The following KCNH8 variants were observed in gnomAD, a reference collection of about 807,000 sequenced individuals.
KCNH8 encodes voltage-gated delayed rectifier potassium channel KCNH8.
KCNH8 carries 70 observed loss-of-function variants against 103.6 expected under a neutral mutation model. The observed-to-expected ratio is 0.68, with a 90% CI of 0.56 to 0.82. KCNH8 has a LOEUF of 0.82. Ranked by LOEUF, KCNH8 falls within the 40% of genes least tolerant of loss-of-function variation. The pLI is 0.00. For missense variants in KCNH8, 1,217 were observed against 1,329.9 expected (o/e 0.92, Z 1.32); for synonymous variants, 498 against 489.4 (o/e 1.02, Z -0.23).
chr3:19,312,326 A>G (rs1448288060), intron 3 of KCNH8, among the ~76,000 whole-genome samples: 2 of 151,920 alleles, frequency 1.3e-5, no homozygotes, highest in Admixed American at 6.6e-5. Context: ...AAACAAGGTT[A>G]TGTGATCAGT....
chr3:19,314,717 C>G lies in KCNH8; in HGVS notation c.443-27870C>G, dbSNP rs2125299451. Reference sequence around the variant, plus strand: ...AACTTTATTTGCTGAAACAGGTGGCCCATTGGTGAGCAAAAGCTGACAGAT... The same window carrying G: ...AACTTTATTTGCTGAAACAGGTGGCGCATTGGTGAGCAAAAGCTGACAGAT... On this transcript the variant is annotated intron_variant, in intron 3 of 15. Coordinates refer to ENST00000328405, the MANE Select transcript of KCNH8 (RefSeq NM_144633.3). 3 of 154,132 alleles carry G rather than the reference C, an allele frequency of 1.9e-5. No individual in the cohort carries two copies. The South Asian group carries it at 6.1e-4, about 31-fold the overall frequency. 9.5% of individuals were successfully genotyped at this position (154,132 alleles called of 1,614,324 possible).
chr3:19,424,608 G>T (rs2125159957), intron 7 of KCNH8, among the ~76,000 whole-genome samples: 1 of 152,066 alleles, frequency 6.6e-6, no homozygotes, highest in East Asian at 1.9e-4. Context: ...AAAATAAATA[G>T]ATTAGACCTC....
At chr3:19,530,407 A>G (rs1006590550) in intron 15 of KCNH8, among the ~76,000 whole-genome samples, 2 of 152,172 alleles carry the variant, frequency 1.3e-5, no homozygotes, top group Non-Finnish European at 2.9e-5. Context: ...TATCACATGC[A>G]TCCTATAAAT....
At chr3:19,436,338 G>A (rs1312956985) in intron 7 of KCNH8, among the ~76,000 whole-genome samples, 35 of 152,052 alleles carry the variant, frequency 2.3e-4, no homozygotes, top group Admixed American at 2.3e-3. Context: ...TTCCTTTAGA[G>A]ACATGAGTTT....
At chr3:19,436,178 G>A (rs1251882184) in intron 7 of KCNH8, among the ~76,000 whole-genome samples, 3 of 152,038 alleles carry the variant, frequency 2.0e-5, no homozygotes, top group Non-Finnish European at 4.4e-5. Context: ...TACTAATTAT[G>A]AGATTATTTT....
At chr3:19,149,357 T>C (rs2063106014) in intron 1 of KCNH8, among the ~76,000 whole-genome samples, 1 of 152,180 alleles carries the variant, frequency 6.6e-6, no homozygotes, top group African/African-American at 2.4e-5. Flanking sequence ...ATAGCGTATC[T>C]TTTAATCCTT....
In KCNH8 at chr3:19,215,195, C is replaced by G. The variant is rs574454422; in HGVS notation, c.77-38459C>G. On this transcript the variant is annotated intron_variant, in intron 1 of 15. Transcript: ENST00000328405. ...GGTTTATTTGGGGTAGAGTAGTTCT[C>G]CATTTCCTGGGAATTGTGCACTGGC... 5.3e-5 allele frequency among the ~76,000 whole-genome samples: 8 copies of G among 152,298 alleles called. No homozygotes were observed. In the South Asian group the frequency reaches 1.5e-3, roughly 28 times the overall value.
intron 11 of KCNH8, among the ~76,000 whole-genome samples, chr3:19,495,732 T>C (rs2068425469): frequency 6.6e-6 from 1 of 152,128 alleles, no homozygotes; most frequent in Non-Finnish European, 1.5e-5. Flanking sequence ...TTTTTTAAAT[T>C]GCATGAAGAA....
chr3:19,516,252 G>A (rs554543008), intron 14 of KCNH8, among the ~76,000 whole-genome samples: 31 of 152,098 alleles, frequency 2.0e-4, no homozygotes, highest in African/African-American at 7.2e-4. Context: ...TATGAACAAA[G>A]CCAAGCCCAA....
intron 1 of KCNH8, among the ~76,000 whole-genome samples, chr3:19,249,102 A>G (rs573743583): frequency 6.6e-6 from 1 of 152,364 alleles, no homozygotes; most frequent in African/African-American, 2.4e-5. Context: ...TGCATATTGC[A>G]TATGCATAAT....
chr3:19,202,094 A>G (rs1347818572), intron 1 of KCNH8, among the ~76,000 whole-genome samples: 1 of 152,046 alleles, frequency 6.6e-6, no homozygotes, highest in Non-Finnish European at 1.5e-5. Context: ...GAGTTAGGAG[A>G]GTTGGGTTTA....
chr3:19,401,142 T>C (rs2066607415), intron 7 of KCNH8, among the ~76,000 whole-genome samples: 1 of 151,940 alleles, frequency 6.6e-6, no homozygotes, highest in South Asian at 2.1e-4. Flanking sequence ...TAATATAAAT[T>C]CTAATTCAGG....
At chr3:19,508,287 G>A (rs1331689911) in intron 11 of KCNH8, among the ~76,000 whole-genome samples, 1 of 152,140 alleles carries the variant, frequency 6.6e-6, no homozygotes, top group Non-Finnish European at 1.5e-5. Flanking sequence ...GGTAAAAGAT[G>A]AGATAAGGTT....
intron 11 of KCNH8, among the ~76,000 whole-genome samples, chr3:19,509,519 T>A (rs917041564): frequency 6.6e-6 from 1 of 152,224 alleles, no homozygotes; most frequent in African/African-American, 2.4e-5. Context: ...AGCTTCTTTA[T>A]AATCATGGTA....
intron 5 of KCNH8, among the ~76,000 whole-genome samples, chr3:19,355,911 A>G (rs143941154): frequency 0.012 from 1,764 of 151,548 alleles, 13 homozygotes; most frequent in Non-Finnish European, 0.018. Flanking sequence ...TACTAAATCA[A>G]TATGTGTGGT....
chr3:19,213,604 G>A (rs568588689), intron 1 of KCNH8, among the ~76,000 whole-genome samples: 31 of 152,260 alleles, frequency 2.0e-4, no homozygotes, highest in Admixed American at 2.0e-3. Context: ...CCAAAAACCA[G>A]TAGTCATCTT....
intron 11 of KCNH8, among the ~76,000 whole-genome samples, chr3:19,487,444 G>A (rs1051174926): frequency 1.3e-5 from 2 of 152,118 alleles, no homozygotes; most frequent in Non-Finnish European, 1.5e-5. Context: ...ATGGAGACTG[G>A]CAAGGAACTA....
intron 8 of KCNH8, among the ~76,000 whole-genome samples, chr3:19,444,805 G>A (rs927381819): frequency 2.0e-5 from 3 of 151,778 alleles, no homozygotes; most frequent in African/African-American, 7.2e-5. Flanking sequence ...TACCATTTTT[G>A]TTCACCAAAA....
chr3:19,266,843 C>T (rs966762592), intron 2 of KCNH8, among the ~76,000 whole-genome samples: 2 of 152,046 alleles, frequency 1.3e-5, no homozygotes, highest in African/African-American at 2.4e-5. Context: ...CTGACCTCAT[C>T]CTTCACTTTT....
Sources: allele counts gnomAD v4.1 joint callset (sites outside exome capture counted in the v4.1 genomes callset), GRCh38; gene constraint gnomAD v4.1.1; transcripts MANE v1.5; gene names NCBI Gene and HGNC (gene_info 2026-07-23, HGNC 2026-07-21).